The following KAZN variants were observed in gnomAD, a reference collection of about 807,000 sequenced individuals.
The protein encoded by KAZN is kazrin.
Under a neutral mutation model 87.4 loss-of-function variants are expected in KAZN, and 40 were observed. That is an observed-to-expected ratio of 0.46 (90% CI 0.36 to 0.60). KAZN has a LOEUF of 0.60. Among genes scored for constraint, KAZN ranks in the 20% least tolerant of loss-of-function variants. The probability of loss-of-function intolerance (pLI) is 0.00; values close to 1 mark genes in which losing one functional copy is unlikely to be tolerated. For missense variants in KAZN, 898 were observed against 1,073.9 expected, an observed-to-expected ratio of 0.84 and a Z score of 2.29; for synonymous variants, 466 against 458.3, an observed-to-expected ratio of 1.02 and a Z score of -0.22.
At chr1:14,157,609 C>G (rs11587477) in intron 1 of KAZN, among the ~76,000 whole-genome samples, 4 of 151,964 alleles carry the variant, frequency 2.6e-5, no homozygotes, top group Non-Finnish European at 4.4e-5. Flanking sequence ...TATTGGGGCC[C>G]CATTGTATGT....
intron 2 of KAZN, among the ~76,000 whole-genome samples, chr1:14,477,716 T>A (rs1193196766): frequency 6.6e-6 from 1 of 152,072 alleles, no homozygotes; most frequent in Non-Finnish European, 1.5e-5. Context: ...GGGAAAGAAG[T>A]GCCCTGGGGT....
chr1:14,115,218 T>C (rs962374159), intron 1 of KAZN, among the ~76,000 whole-genome samples: 1 of 152,218 alleles, frequency 6.6e-6, no homozygotes, highest in Admixed American at 6.5e-5. Flanking sequence ...GGCAGAGAGA[T>C]ACAACAATGT....
intron 2 of KAZN, among the ~76,000 whole-genome samples, chr1:14,343,847 A>T (rs552662453): frequency 6.6e-6 from 1 of 152,302 alleles, no homozygotes; most frequent in East Asian, 1.9e-4. Context: ...TCCTTCGGCA[A>T]ACTCATCCAA....
intron 2 of KAZN, among the ~76,000 whole-genome samples, chr1:14,221,622 A>T (rs978700153): frequency 6.6e-6 from 1 of 152,166 alleles, no homozygotes; most frequent in African/African-American, 2.4e-5. Flanking sequence ...GTTACGAGTC[A>T]CCATTATTGC....
chr1:14,150,966 A>G (rs1227923533), intron 1 of KAZN, among the ~76,000 whole-genome samples: 1 of 94,994 alleles, frequency 1.1e-5, no homozygotes, highest in African/African-American at 4.7e-5. Flanking sequence ...ACATTGTCAT[A>G]CACACACACA....
chr1:14,766,799 A>T (rs1644896534), intron 1 of KAZN, among the ~76,000 whole-genome samples: 1 of 151,624 alleles, frequency 6.6e-6, no homozygotes, highest in Non-Finnish European at 1.5e-5. Context: ...TGGAGATACC[A>T]CTGGTTCCTC....
rs1651103230 is a variant in KAZN at position 14,262,334 on chromosome 1, A to G, written c.249+81742A>G. Among the ~76,000 whole-genome samples, 7 of 152,378 alleles carry G rather than the reference A, an allele frequency of 4.6e-5. No homozygotes were observed. The South Asian group carries it at 1.4e-3, about 32-fold the overall frequency. On this transcript the variant is annotated intron_variant, in intron 2 of 16. Transcript: ENST00000636203. ...GCAGAAACCCCTCCTTGTGGCTCTT[A>G]GATGACTAAAATTGGTAAAAGCACA...
chr1:14,587,832 C>A (rs1375116956), intron 2 of KAZN, among the ~76,000 whole-genome samples: 1 of 152,174 alleles, frequency 6.6e-6, no homozygotes, highest in African/African-American at 2.4e-5. Flanking sequence ...CACACTATAT[C>A]ATTCCCCTTC....
chr1:14,513,264 C>G (rs557379674), intron 2 of KAZN, among the ~76,000 whole-genome samples: 1 of 152,280 alleles, frequency 6.6e-6, no homozygotes, highest in Admixed American at 6.5e-5. Flanking sequence ...TAGCCGGTCC[C>G]TCTCCTCCAG....
chr1:14,370,081 T>C (rs542561171), intron 2 of KAZN, among the ~76,000 whole-genome samples: 2 of 151,458 alleles, frequency 1.3e-5, no homozygotes, highest in South Asian at 4.3e-4. Context: ...ACCAAGAGGG[T>C]TAGACAAAAA....
intron 2 of KAZN, among the ~76,000 whole-genome samples, chr1:14,548,046 A>AG (rs1673274259): frequency 6.6e-6 from 1 of 151,956 alleles, no homozygotes; most frequent in Non-Finnish European, 1.5e-5. Flanking sequence ...AAAAAAAAAA[A>AG]AAAAAAATTG....
At chr1:14,801,261 C>T (rs988846184) in intron 1 of KAZN, among the ~76,000 whole-genome samples, 1 of 152,002 alleles carries the variant, frequency 6.6e-6, no homozygotes, top group Non-Finnish European at 1.5e-5. Flanking sequence ...GCAAGCTCCT[C>T]GGGGAAATGT....
At position 14,604,758 on chromosome 1, in the gene KAZN, G is replaced by A. The variant is rs546846724; in HGVS notation, c.226+5535G>A. Among the ~76,000 whole-genome samples the A allele has an allele frequency of 1.5e-4, 23 of 152,296 alleles. No homozygotes were observed. The South Asian group carries it at 2.7e-3, about 18-fold the overall frequency. ...GACCCTTGGGTCAGGCTTCTGAAAG[G>A]TCCCTGCCCCTTTACTTTCTGATGA... is the stretch of plus-strand genomic sequence containing the variant. On this transcript the variant is annotated intron_variant, in intron 1 of 14. Transcript: ENST00000376030.
At chr1:14,932,536 G>A (rs951882784) in intron 1 of KAZN, among the ~76,000 whole-genome samples, 9 of 152,290 alleles carry the variant, frequency 5.9e-5, no homozygotes, top group African/African-American at 2.2e-4. Context: ...GCTTTAAATT[G>A]TACTTAATTG....
chr1:14,276,497 G>A (rs1326003153), intron 2 of KAZN, among the ~76,000 whole-genome samples: 1 of 152,116 alleles, frequency 6.6e-6, no homozygotes, highest in Non-Finnish European at 1.5e-5. Flanking sequence ...TGAAATCAAG[G>A]TGTCAGCAGG....
chr1:14,719,483 G>A (rs200041870), intron 1 of KAZN, among the ~76,000 whole-genome samples: 18 of 152,232 alleles, frequency 1.2e-4, no homozygotes, highest in Non-Finnish European at 1.0e-4. Flanking sequence ...GAAGATGGGA[G>A]GGAGTGTAAT....
At chr1:14,864,303 G>A (rs142173836) in intron 1 of KAZN, among the ~76,000 whole-genome samples, 4,030 of 152,280 alleles carry the variant, frequency 0.026, 70 homozygotes, top group Non-Finnish European at 0.037. Flanking sequence ...GGTGGCTCAC[G>A]CCTGTAATCC....
rs572871826 is a variant in KAZN at position 13,969,394 on chromosome 1, G to T, written c.91+75638G>T. 4.6e-5 allele frequency among the ~76,000 whole-genome samples: 7 copies of T among 152,310 alleles called. No individual in the cohort carries two copies. In the South Asian group the frequency reaches 1.4e-3, roughly 32 times the overall value. The stretch of plus-strand genomic sequence containing the variant: ...GGACACAGACATGCACATGCTGACA[G>T]GGAGAAAACCAAATGAAGATGGAGG... On this transcript the variant is annotated intron_variant, in intron 1 of 16. Transcript: ENST00000636203.
At chr1:14,815,697 G>A (rs1646541719) in intron 1 of KAZN, among the ~76,000 whole-genome samples, 1 of 152,140 alleles carries the variant, frequency 6.6e-6, no homozygotes, top group Non-Finnish European at 1.5e-5. Flanking sequence ...CCACAAACCT[G>A]GGAACTTACA....
Sources: gnomAD v4.1 joint callset for allele counts (sites outside exome capture counted in the v4.1 genomes callset) on GRCh38, gnomAD v4.1.1 for gene constraint, MANE v1.5 for transcripts, NCBI Gene and HGNC (gene_info 2026-07-23, HGNC 2026-07-21) for gene names.